Variants in TMEM236 observed in about 807,000 individuals in gnomAD.
TMEM236 encodes transmembrane protein 236, also known as family with sequence similarity 23, member A.
In TMEM236, 11 loss-of-function variants were observed where a neutral mutation model predicts 14.7. That is an observed-to-expected ratio of 0.75 (90% CI 0.47 to 1.24). TMEM236 has a LOEUF of 1.24. Among genes scored for constraint, TMEM236 ranks in the 50% most tolerant of loss-of-function variants. The pLI, the probability that TMEM236 is intolerant of heterozygous loss-of-function variation, is 0.00. For synonymous variants in TMEM236, 182 were observed against 168.6 expected (o/e 1.08, Z -0.62); for missense variants, 464 against 427.3 (o/e 1.09, Z -0.76).
intron 1 of TMEM236, among the ~76,000 whole-genome samples, chr10:17,762,767 AAGTGATCCTCCCTG>A (rs2131743374): frequency 6.6e-6 from 1 of 151,330 alleles, no homozygotes; most frequent in East Asian, 1.9e-4. Flanking sequence ...TCCCAGGCTC[AAGTGATCCTCCCTG>A]AGTAGCTGGG....
Position 17,796,843 on chromosome 10 carries a change from G to A in TMEM236, c.*339G>A, listed in dbSNP as rs936794317. ...TGTTAGCAAGCAGACCGCACAGCAC[G>A]TGGTGAACCTCAAACTGAGCGTTCC... On this transcript the variant is annotated 3_prime_UTR_variant, in exon 4 of 4. Coordinates refer to ENST00000377495, the MANE Select transcript of TMEM236 (RefSeq NM_001098844.3). 1.5e-5 allele frequency: 5 copies of A among 323,220 alleles called. No individual in the cohort carries two copies. The highest frequency in any genetic ancestry group is 1.2e-4 in the South Asian group (4 of 32,878). 20.0% of individuals were successfully genotyped at this position (323,220 alleles called of 1,614,324 possible).
chr10:17,782,609 G>A (rs1025476294), intron 3 of TMEM236, among the ~76,000 whole-genome samples: 1 of 151,890 alleles, frequency 6.6e-6, no homozygotes, highest in African/African-American at 2.4e-5. Flanking sequence ...GCACCACCAC[G>A]TCCCTCTAAT....
intron 1 of TMEM236, among the ~76,000 whole-genome samples, chr10:17,757,598 CAAA>C (rs143988279): frequency 1.0e-4 from 10 of 98,652 alleles, no homozygotes; most frequent in African/African-American, 7.5e-5. Context: ...AACCCTGTCT[CAAA>C]AAAAAAAAAA....
intron 3 of TMEM236, among the ~76,000 whole-genome samples, chr10:17,778,258 A>G (rs1159995017): frequency 6.6e-6 from 1 of 152,204 alleles, no homozygotes; most frequent in African/African-American, 2.4e-5. Context: ...CGTTTAATAA[A>G]TTCACACTTA....
intron 1 of TMEM236, among the ~76,000 whole-genome samples, chr10:17,768,646 G>T (rs1388231684): frequency 6.6e-6 from 1 of 152,042 alleles, no homozygotes; most frequent in East Asian, 1.9e-4. Context: ...TACCTCGGGG[G>T]ATGAGGAAAG....
chr10:17,775,857 G>C (rs1368970924), intron 2 of TMEM236, among the ~76,000 whole-genome samples, 172 bp from the exon 3 acceptor site: 13 of 152,166 alleles, frequency 8.5e-5, no homozygotes, highest in Non-Finnish European at 1.8e-4. Context: ...GACAGCTTTA[G>C]AAATGATTCA....
chr10:17,776,893 T>A (rs902005134), intron 3 of TMEM236, among the ~76,000 whole-genome samples: 8,254 of 152,352 alleles, frequency 0.054, 305 homozygotes, highest in Non-Finnish European at 0.081. Flanking sequence ...ATATTTTATT[T>A]ATTTAGTCGT....
chr10:17,763,281 G>C (rs1455271043), intron 1 of TMEM236, among the ~76,000 whole-genome samples: 3 of 151,946 alleles, frequency 2.0e-5, no homozygotes, highest in Non-Finnish European at 2.9e-5. Flanking sequence ...GCGAGACCCT[G>C]TCTCTACAGG....
At chr10:17,775,218 T>C (rs1323454280) in intron 2 of TMEM236, among the ~76,000 whole-genome samples, 1 of 152,214 alleles carries the variant, frequency 6.6e-6, no homozygotes, top group Admixed American at 6.5e-5. Flanking sequence ...GGGAAAACTT[T>C]CAATATTTCA....
intron 1 of TMEM236, among the ~76,000 whole-genome samples, chr10:17,762,565 T>C (rs1230008154): frequency 2.2e-5 from 3 of 135,868 alleles, no homozygotes; most frequent in Non-Finnish European, 4.7e-5. Flanking sequence ...TATTTACCTA[T>C]CTGAATTTCA....
intron 1 of TMEM236, among the ~76,000 whole-genome samples, chr10:17,762,574 CATATATATATATATATATATATAT>C (rs878958449): frequency 1.3e-3 from 67 of 53,060 alleles, no homozygotes; most frequent in East Asian, 0.012. Flanking sequence ...ATCTGAATTT[CATATATATATATATATATATATAT>C]ATATATATAT....
At chr10:17,753,413 G>C (rs1193659157) in intron 1 of TMEM236, among the ~76,000 whole-genome samples, 8 of 152,096 alleles carry the variant, frequency 5.3e-5, no homozygotes, top group Non-Finnish European at 1.2e-4. Context: ...TTCACCCTCT[G>C]GAAGGCCCCG....
intron 1 of TMEM236, among the ~76,000 whole-genome samples, chr10:17,761,178 C>T (rs2131742001): frequency 6.6e-6 from 1 of 152,254 alleles, no homozygotes; most frequent in African/African-American, 2.4e-5. Context: ...ACCATCAAAA[C>T]TTGAGTTTCT....
chr10:17,791,373 G>T (rs1266152695), intron 3 of TMEM236, among the ~76,000 whole-genome samples: 1 of 152,022 alleles, frequency 6.6e-6, no homozygotes, highest in African/African-American at 2.4e-5. Flanking sequence ...CAGGAGGATC[G>T]CTTGAGTCTG....
At chr10:17,772,752 A>C (rs1837593900) in intron 2 of TMEM236, among the ~76,000 whole-genome samples, 1 of 151,776 alleles carries the variant, frequency 6.6e-6, no homozygotes, top group Non-Finnish European at 1.5e-5. Flanking sequence ...CCATGCCCAC[A>C]CTCCTTTATT....
At chr10:17,793,451 G>A (rs938787547) in intron 3 of TMEM236, among the ~76,000 whole-genome samples, 4 of 151,996 alleles carry the variant, frequency 2.6e-5, no homozygotes, top group Non-Finnish European at 5.9e-5. Context: ...ATATTATAAG[G>A]CAATATTTTC....
intron 3 of TMEM236, among the ~76,000 whole-genome samples, chr10:17,795,020 T>G (rs1837988224): frequency 1.3e-5 from 2 of 152,080 alleles, no homozygotes; most frequent in African/African-American, 4.8e-5. Context: ...AGAGCAAGAC[T>G]CTGTCACAAA....
At chr10:17,755,682 T>C (rs1837274966) in intron 1 of TMEM236, among the ~76,000 whole-genome samples, 1 of 152,126 alleles carries the variant, frequency 6.6e-6, no homozygotes, top group African/African-American at 2.4e-5. Context: ...CTGTCCAAGA[T>C]TCCTGGCTGG....
intron 1 of TMEM236, among the ~76,000 whole-genome samples, chr10:17,766,310 C>T (rs1837462932): frequency 6.6e-6 from 1 of 152,162 alleles, no homozygotes; most frequent in South Asian, 2.1e-4. Flanking sequence ...CACGGTACAG[C>T]CAAATTTTCT....
Sources: allele counts gnomAD v4.1 joint callset (sites outside exome capture counted in the v4.1 genomes callset), GRCh38; gene constraint gnomAD v4.1.1; transcripts MANE v1.5; gene names NCBI Gene and HGNC (gene_info 2026-07-23, HGNC 2026-07-21).